Variants in SHC3 observed in about 807,000 individuals in gnomAD.
The protein encoded by SHC3 is SHC-transforming protein 3.
A neutral mutation model predicts 60.4 loss-of-function variants in SHC3; 15 were observed. The ratio of observed to expected loss-of-function variants is 0.25; its 90% CI spans 0.17 to 0.38. The LOEUF is 0.38. Among genes scored for constraint, SHC3 ranks in the 10% least tolerant of loss-of-function variants. The probability of loss-of-function intolerance (pLI) is 1.00; values close to 1 mark genes in which losing one functional copy is unlikely to be tolerated. For synonymous variants in SHC3, 294 were observed against 325.9 expected, an observed-to-expected ratio of 0.90 and a Z score of 1.05; for missense variants, 677 against 786.1, an observed-to-expected ratio of 0.86 and a Z score of 1.66.
intron 1 of SHC3, among the ~76,000 whole-genome samples, chr9:89,164,241 TC>T (rs1229004912): frequency 6.6e-6 from 1 of 152,120 alleles, no homozygotes; most frequent in East Asian, 1.9e-4. Context: ...GAGTCTCACT[TC>T]ATATGGATTG....
intron 2 of SHC3, among the ~76,000 whole-genome samples, chr9:89,090,461 G>T (rs573186575): frequency 6.6e-6 from 1 of 152,172 alleles, no homozygotes; most frequent in African/African-American, 2.4e-5. Context: ...AGTTTTGGCC[G>T]GCTGCTCTGT....
intron 1 of SHC3, among the ~76,000 whole-genome samples, chr9:89,164,504 A>G (rs1034486008): frequency 6.6e-6 from 1 of 152,106 alleles, no homozygotes; most frequent in Non-Finnish European, 1.5e-5. Context: ...GGCACAGGAG[A>G]TGAGGCTCCA....
At chr9:89,136,825 T>C (rs1461944392) in intron 1 of SHC3, among the ~76,000 whole-genome samples, 1 of 151,946 alleles carries the variant, frequency 6.6e-6, no homozygotes, top group African/African-American at 2.4e-5. Context: ...GGTAACAATA[T>C]GGCTGGAGTG....
intron 1 of SHC3, among the ~76,000 whole-genome samples, chr9:89,148,042 C>A (rs915968856): frequency 6.6e-6 from 1 of 152,200 alleles, no homozygotes; most frequent in South Asian, 2.1e-4. Flanking sequence ...TCTTGATAAA[C>A]CCCTAGTGAG....
intron 5 of SHC3, among the ~76,000 whole-genome samples, chr9:89,068,445 T>A (rs944677259): frequency 4.6e-5 from 7 of 152,218 alleles, no homozygotes; most frequent in African/African-American, 1.4e-4. Flanking sequence ...GTCAGCTTTA[T>A]TAAAAATGTC....
intron 1 of SHC3, among the ~76,000 whole-genome samples, chr9:89,155,588 C>T (rs1826611018): frequency 6.6e-6 from 1 of 152,150 alleles, no homozygotes; most frequent in African/African-American, 2.4e-5. Flanking sequence ...TGGAGTGCCA[C>T]TGAGCCCAAA....
At position 89,178,204 on chromosome 9, in the gene SHC3, G is replaced by A; in HGVS notation, c.257C>T (p.Ser86Leu). 1.4e-6 allele frequency: 2 copies of A among 1,415,510 alleles called. No individual in the cohort carries two copies. The highest frequency in any genetic ancestry group is 1.8e-6 in the Non-Finnish European group (2 of 1,082,880). The allele number at this position is 1,415,510 out of a possible 1,614,324, so 87.7% of individuals were successfully genotyped here. The change falls in exon 1 of 12, where the codon TCG becomes TTG. Residue 86 changes from serine to leucine, a missense_variant. By Grantham distance (145) the Ser-to-Leu change is moderately radical. Transcript: ENST00000375835. This position sits in a 1 kb window ranked among gnomAD's most constrained non-coding sequence, Gnocchi z 6.9. ...CGCGCCCGCCCGCTCCCGGGCGGCC[G>A]ACGACAGGCCGCGGAGGCCCGAGCT... ...LSSSGLRGLS[S>L]AARERAGARL... is the part of the protein sequence containing the mutation.
intron 11 of SHC3, 142 bp from the exon 12 acceptor site, chr9:89,013,717 T>A: frequency 1.6e-6 from 2 of 1,238,958 alleles, no homozygotes; most frequent in South Asian, 1.6e-5. Flanking sequence ...ACTTTAGAGA[T>A]GCTGTCTGCA....
chr9:89,020,674 G>A (rs763191088), intron 11 of SHC3, among the ~76,000 whole-genome samples: 4 of 152,194 alleles, frequency 2.6e-5, no homozygotes, highest in Non-Finnish European at 4.4e-5. Flanking sequence ...GGAGATGCAG[G>A]CCCAGGAGGA....
intron 2 of SHC3, among the ~76,000 whole-genome samples, chr9:89,079,909 C>T (rs185695811): frequency 1.9e-3 from 284 of 152,310 alleles, no homozygotes; most frequent in African/African-American, 6.5e-3. Flanking sequence ...AAAATGTTCT[C>T]TTTTCATCAC....
chr9:89,048,241 T>TAA (rs34217569), intron 7 of SHC3, among the ~76,000 whole-genome samples: 51,858 of 133,498 alleles, frequency 0.39, 11,302 homozygotes, highest in East Asian at 0.94. Context: ...AAGACTCCAT[T>TAA]AAAAAAAAAA....
At chr9:89,075,524 T>A (rs181812326) in intron 3 of SHC3, among the ~76,000 whole-genome samples, 1 of 152,208 alleles carries the variant, frequency 6.6e-6, no homozygotes. Context: ...TGTTGGGAAG[T>A]GTCTCATGGA....
chr9:89,152,997 G>A (rs1587757023), intron 1 of SHC3, among the ~76,000 whole-genome samples: 1 of 152,260 alleles, frequency 6.6e-6, no homozygotes, highest in East Asian at 1.9e-4. Flanking sequence ...AAATACAAAA[G>A]AACTCAGGGG....
chr9:89,108,561 A>G (rs1227951487), intron 2 of SHC3, among the ~76,000 whole-genome samples: 1 of 151,964 alleles, frequency 6.6e-6, no homozygotes, highest in Non-Finnish European at 1.5e-5. Flanking sequence ...ACACACACAC[A>G]TACACACATA....
chr9:89,031,316 A>G (rs906480595), intron 11 of SHC3, among the ~76,000 whole-genome samples: 2 of 152,228 alleles, frequency 1.3e-5, no homozygotes, highest in African/African-American at 4.8e-5. Flanking sequence ...TACATTCATT[A>G]TCATCACTGT....
intron 1 of SHC3, among the ~76,000 whole-genome samples, chr9:89,160,543 T>C (rs1179104009): frequency 6.6e-6 from 1 of 152,236 alleles, no homozygotes; most frequent in African/African-American, 2.4e-5. Context: ...AAAATACTTG[T>C]TGATCCATTC....
intron 1 of SHC3, among the ~76,000 whole-genome samples, chr9:89,162,692 T>C (rs1826727291): frequency 6.7e-6 from 1 of 150,256 alleles, no homozygotes; most frequent in Non-Finnish European, 1.5e-5. Flanking sequence ...GTCAAGGACT[T>C]CATGTCTAAA....
chr9:89,079,107 A>G (rs1825407054), intron 2 of SHC3, among the ~76,000 whole-genome samples: 1 of 152,216 alleles, frequency 6.6e-6, no homozygotes, highest in African/African-American at 2.4e-5. Context: ...TGCCAGGAAA[A>G]CCGTAGGCAA....
chr9:89,064,947 G>A (rs1825153789), intron 6 of SHC3, among the ~76,000 whole-genome samples: 1 of 152,146 alleles, frequency 6.6e-6, no homozygotes, highest in African/African-American at 2.4e-5. Context: ...CAGCTGTGGT[G>A]TGGTGCATCA....
Sources: allele counts gnomAD v4.1 joint callset (sites outside exome capture counted in the v4.1 genomes callset), GRCh38; gene constraint gnomAD v4.1.1; non-coding constraint Gnocchi (gnomAD v3.1); transcripts MANE v1.5; gene names NCBI Gene and HGNC (gene_info 2026-07-23, HGNC 2026-07-21).